The following PRKAA1 variants were observed in gnomAD, a reference collection of about 807,000 sequenced individuals.
PRKAA1 encodes the protein 5'-AMP-activated protein kinase catalytic subunit alpha-1.
In PRKAA1, 23 loss-of-function variants were observed where a neutral mutation model predicts 56.9. The ratio of observed to expected loss-of-function variants is 0.40; its 90% CI spans 0.29 to 0.57. The LOEUF is 0.57. Among genes scored for constraint, PRKAA1 ranks in the 20% least tolerant of loss-of-function variants. The probability of loss-of-function intolerance (pLI) is 0.39; values close to 1 mark genes in which losing one functional copy is unlikely to be tolerated. For synonymous variants in PRKAA1, 226 were observed against 227.0 expected (o/e 1.00, Z 0.04); for missense variants, 413 against 679.7 (o/e 0.61, Z 4.36).
At chr5:40,788,781 C>T (rs1164863122) in intron 1 of PRKAA1, among the ~76,000 whole-genome samples, 3 of 151,984 alleles carry the variant, frequency 2.0e-5, no homozygotes, top group Non-Finnish European at 4.4e-5. Flanking sequence ...GAGCCAAGAT[C>T]ACGCCATTGC....
intron 3 of PRKAA1, 40 bp from the exon 4 acceptor site, chr5:40,771,903 C>T: frequency 6.3e-7 from 1 of 1,588,136 alleles, no homozygotes. Context: ...GTGTGTCTTT[C>T]AAAGTAAATT....
chr5:40,765,359 AC>A, intron 6 of PRKAA1, 121 bp from the exon 7 acceptor site: 1 of 1,175,710 alleles, frequency 8.5e-7, no homozygotes, highest in Non-Finnish European at 1.1e-6. Context: ...TATTATTGTC[AC>A]TTTTTGCACT....
At chr5:40,778,866 A>G (rs1167685647) in intron 1 of PRKAA1, among the ~76,000 whole-genome samples, 1 of 141,268 alleles carries the variant, frequency 7.1e-6, no homozygotes, top group East Asian at 2.1e-4. Context: ...AGCTCACTGC[A>G]GCGTTAACCT....
At chr5:40,780,264 A>T (rs1744212424) in intron 1 of PRKAA1, among the ~76,000 whole-genome samples, 1 of 152,168 alleles carries the variant, frequency 6.6e-6, no homozygotes, top group African/African-American at 2.4e-5. Context: ...CTCTTTCAGC[A>T]TTAAGTAGCC....
chr5:40,768,767 TTC>T, intron 5 of PRKAA1: 1 of 1,321,978 alleles, frequency 7.6e-7, no homozygotes, highest in African/African-American at 1.5e-5. Flanking sequence ...AAACTTCAGC[TTC>T]TGTTTTCAAT....
intron 1 of PRKAA1, among the ~76,000 whole-genome samples, chr5:40,784,737 A>C (rs1047003030): frequency 9.9e-5 from 15 of 152,168 alleles, no homozygotes; most frequent in African/African-American, 3.6e-4. Context: ...ACTCTCACCA[A>C]CCTGGAAGAC....
intron 3 of PRKAA1, among the ~76,000 whole-genome samples, chr5:40,772,791 C>T (rs1196971642): frequency 6.6e-6 from 1 of 152,058 alleles, no homozygotes; most frequent in East Asian, 1.9e-4. Context: ...CATGCCACCA[C>T]GCCCACTAAT....
At chr5:40,778,533 C>T (rs550859875) in intron 1 of PRKAA1, among the ~76,000 whole-genome samples, 57 of 152,022 alleles carry the variant, frequency 3.7e-4, no homozygotes, top group African/African-American at 1.3e-3. Context: ...TTTAACCTAT[C>T]ATACACACAG....
At chr5:40,777,930 G>A (rs372931986) in intron 1 of PRKAA1, among the ~76,000 whole-genome samples, 19 of 152,120 alleles carry the variant, frequency 1.2e-4, no homozygotes, top group African/African-American at 3.4e-4. Flanking sequence ...AAAAATTGGC[G>A]AGGCGTGCTG....
In PRKAA1 at chr5:40,798,303, G is replaced by T; in HGVS notation, c.-114C>A. ...GCCGAGTCACCGCCCTGCGCCGCCA[G>T]CCCAGGCCCCGCAGCCTACGTCGGG... On this transcript the variant is annotated 5_prime_UTR_variant, in exon 1 of 9. In the 5' UTR this introduces an upstream ATG that the reference lacks. Coordinates refer to ENST00000397128, the MANE Select transcript of PRKAA1 (RefSeq NM_006251.6). 3 of 587,768 alleles carry T rather than the reference G, an allele frequency of 5.1e-6. No homozygotes were observed. Among genetic ancestry groups the T allele is most frequent in the South Asian group, 4.8e-5 (1 of 21,012 alleles). 36.4% of individuals were successfully genotyped at this position (587,768 alleles called of 1,614,324 possible).
chr5:40,781,827 G>A (rs1394023697), intron 1 of PRKAA1, among the ~76,000 whole-genome samples: 1 of 152,100 alleles, frequency 6.6e-6, no homozygotes, highest in Non-Finnish European at 1.5e-5. Context: ...GAGAAAGAAG[G>A]AAGGCAACCC....
Position 40,765,096 on chromosome 5 carries a change from G to A in PRKAA1, c.964C>T (p.Leu322Phe). 1 of 1,614,188 alleles carries A rather than the reference G, an allele frequency of 6.2e-7. No homozygotes were observed. Among genetic ancestry groups the A allele is most frequent in the Non-Finnish European group, 8.5e-7 (1 of 1,180,028 alleles). The change falls in exon 7 of 9, where the codon CTT becomes TTT. Residue 322 changes from leucine to phenylalanine, a missense_variant. By Grantham distance (22) the Leu-to-Phe change is conservative. Coordinates refer to ENST00000397128, the MANE Select transcript of PRKAA1 (RefSeq NM_006251.6). ...GGATCCTGGTGATTTCTGTTGTAAA[G>A]ACAGCTGAGAACTTCCTCTTCTGAG... ...ECSEEEVLSC[L>F]YNRNHQDPLA...
chr5:40,768,829 C>A (rs2087546457), intron 5 of PRKAA1: 4 of 1,493,196 alleles, frequency 2.7e-6, no homozygotes, highest in East Asian at 4.9e-5. Flanking sequence ...ATATTAAATT[C>A]TCCTGTTTTC....
intron 1 of PRKAA1, among the ~76,000 whole-genome samples, chr5:40,795,135 A>G (rs1363137857): frequency 1.3e-5 from 2 of 152,162 alleles, no homozygotes; most frequent in Non-Finnish European, 2.9e-5. Flanking sequence ...GTAACTCAGG[A>G]ATGGAAAACC....
chr5:40,766,880 A>G (rs1184248665), intron 6 of PRKAA1, among the ~76,000 whole-genome samples: 2 of 152,074 alleles, frequency 1.3e-5, no homozygotes, highest in Non-Finnish European at 2.9e-5. Context: ...ACAGCCAGGC[A>G]TGATGGTGGA....
At chr5:40,769,304 C>T (rs1743613542) in intron 5 of PRKAA1, 112 bp downstream of exon 5, 1 of 838,572 alleles carries the variant, frequency 1.2e-6, no homozygotes. Context: ...TAAGAATAAG[C>T]CTTATCTTTC....
At chr5:40,780,605 A>G (rs1315877336) in intron 1 of PRKAA1, among the ~76,000 whole-genome samples, 1 of 152,314 alleles carries the variant, frequency 6.6e-6, no homozygotes, top group East Asian at 1.9e-4. Flanking sequence ...CAAAGACCTC[A>G]GAACCAAGCC....
At chr5:40,773,849 A>C (rs535530434) in intron 3 of PRKAA1, among the ~76,000 whole-genome samples, 21 of 152,326 alleles carry the variant, frequency 1.4e-4, no homozygotes, top group African/African-American at 4.8e-4. Context: ...AGTAAGGCTG[A>C]ACCAGCTCTG....
chr5:40,788,598 G>A (rs1186082454), intron 1 of PRKAA1, among the ~76,000 whole-genome samples: 1 of 152,104 alleles, frequency 6.6e-6, no homozygotes, highest in Non-Finnish European at 1.5e-5. Flanking sequence ...GGCAGGCCGA[G>A]GCAGGCGGAT....
Sources: gnomAD v4.1 joint callset for allele counts (sites outside exome capture counted in the v4.1 genomes callset) on GRCh38, gnomAD v4.1.1 for gene constraint, MANE v1.5 for transcripts, NCBI Gene and HGNC (gene_info 2026-07-23, HGNC 2026-07-21) for gene names.